The following NOX4 variants were observed in gnomAD, a reference collection of about 807,000 sequenced individuals.
NOX4 encodes the protein kidney oxidase-1.
In NOX4, 69 loss-of-function variants were observed where a neutral mutation model predicts 87.6. The ratio of observed to expected loss-of-function variants is 0.79; its 90% CI spans 0.65 to 0.96. The LOEUF (loss-of-function observed/expected upper bound fraction) is 0.96. Among genes scored for constraint, NOX4 ranks in the 40% least tolerant of loss-of-function variants. The pLI is 0.00. For synonymous variants in NOX4, 275 were observed against 238.2 expected (o/e 1.15, Z -1.42); for missense variants, 680 against 681.5 (o/e 1.00, Z 0.02).
chr11:89,404,969 AG>A (rs1351912823), intron 8 of NOX4, among the ~76,000 whole-genome samples: 1 of 152,124 alleles, frequency 6.6e-6, no homozygotes, highest in Non-Finnish European at 1.5e-5. Flanking sequence ...GTCAAAGCAT[AG>A]GGTTCAGAAA....
chr11:89,374,116 A>C (rs776418048), intron 11 of NOX4, among the ~76,000 whole-genome samples: 1 of 152,164 alleles, frequency 6.6e-6, no homozygotes, highest in Non-Finnish European at 1.5e-5. Context: ...CAGGTAGTCA[A>C]AATGAAAGAA....
intron 2 of NOX4, among the ~76,000 whole-genome samples, chr11:89,455,744 A>ATATATATATATG (rs1163284365): frequency 8.2e-5 from 12 of 146,896 alleles, no homozygotes; most frequent in African/African-American, 3.1e-4. Flanking sequence ...ATATATATAT[A>ATATATATATATG]TGAAACAAAA....
At chr11:89,336,347 C>G (rs1478254177) in intron 16 of NOX4, among the ~76,000 whole-genome samples, 1 of 151,834 alleles carries the variant, frequency 6.6e-6, no homozygotes, top group Non-Finnish European at 1.5e-5. Flanking sequence ...TCTAATTGGT[C>G]AATCTCAAAA....
At chr11:89,351,890 A>T (rs750392375) in intron 13 of NOX4, among the ~76,000 whole-genome samples, 1 of 152,234 alleles carries the variant, frequency 6.6e-6, no homozygotes, top group Admixed American at 6.5e-5. Flanking sequence ...GATAAAGAAA[A>T]TACTGCATAT....
intron 11 of NOX4, among the ~76,000 whole-genome samples, chr11:89,397,433 A>T (rs575478268): frequency 2.3e-4 from 35 of 152,106 alleles, no homozygotes; most frequent in African/African-American, 8.2e-4. Flanking sequence ...GCAAACGAAT[A>T]CAAAAGCTAG....
chr11:89,573,258 C>T, the NOX4 span, among the ~76,000 whole-genome samples: 1 of 152,162 alleles, frequency 6.6e-6, no homozygotes, highest in African/African-American at 2.4e-5. Context: ...ATGCTTTTGG[C>T]TGGGCATGGT....
chr11:89,533,689 A>C, the NOX4 span: 2 of 152,244 alleles, frequency 1.3e-5, no homozygotes, highest in Admixed American at 1.3e-4. Flanking sequence ...TTAGATCCCA[A>C]GAACTAGAGC....
At chr11:89,389,485 C>T (rs1310063762) in intron 11 of NOX4, among the ~76,000 whole-genome samples, 7 of 152,048 alleles carry the variant, frequency 4.6e-5, no homozygotes. Context: ...TTCTAACTGG[C>T]ACAGTATATG....
Position 89,383,403 on chromosome 11 carries a change from C to T in NOX4, c.1075-9911G>A, listed in dbSNP as rs560938485. Among the ~76,000 whole-genome samples the T allele has an allele frequency of 2.6e-5, 4 of 152,302 alleles. No homozygotes were observed. The South Asian group carries it at 8.3e-4, about 32-fold the overall frequency. ...CTCCCAGAGCCCCTGGAACTCTGGCCCAAGGCCCTCTGACTGACTCCTTCC... is the reference window on the plus strand; with the variant it reads ...CTCCCAGAGCCCCTGGAACTCTGGCTCAAGGCCCTCTGACTGACTCCTTCC... On this transcript the variant is annotated intron_variant, in intron 11 of 17. Transcript: ENST00000263317.
At chr11:89,544,769 A>C in the NOX4 span, among the ~76,000 whole-genome samples, 1 of 151,912 alleles carries the variant, frequency 6.6e-6, no homozygotes, top group African/African-American at 2.4e-5. Context: ...ATACAGCAAA[A>C]AAAATTTACA....
chr11:89,388,070 T>A (rs1041680138), intron 11 of NOX4, among the ~76,000 whole-genome samples: 5 of 152,240 alleles, frequency 3.3e-5, no homozygotes, highest in African/African-American at 9.6e-5. Flanking sequence ...TAAATAAATT[T>A]GTAGTTTGGA....
the NOX4 span, among the ~76,000 whole-genome samples, chr11:89,517,152 C>CATAACTGTATT: frequency 6.6e-6 from 1 of 151,980 alleles, no homozygotes; most frequent in South Asian, 2.1e-4. Context: ...TTATTCAAGT[C>CATAACTGTATT]ATAACTGTAT....
chr11:89,457,136 A>G (rs535285324), intron 2 of NOX4, among the ~76,000 whole-genome samples: 56 of 152,162 alleles, frequency 3.7e-4, no homozygotes, highest in Admixed American at 1.4e-3. Flanking sequence ...TGCAGCCTTG[A>G]CCCACTACAG....
At chr11:89,383,102 C>T (rs569895474) in intron 11 of NOX4, among the ~76,000 whole-genome samples, 11 of 152,274 alleles carry the variant, frequency 7.2e-5, no homozygotes, top group African/African-American at 2.2e-4. Flanking sequence ...TAATCAACCT[C>T]GCCTTCAAGA....
At chr11:89,438,823 TAATATC>T (rs1944274548) in intron 6 of NOX4, among the ~76,000 whole-genome samples, 1 of 47,784 alleles carries the variant, frequency 2.1e-5, no homozygotes, top group African/African-American at 1.9e-4. Flanking sequence ...ATATATTATA[TAATATC>T]TTATATATTA....
At chr11:89,506,524 G>A in the NOX4 span, among the ~76,000 whole-genome samples, 1 of 151,576 alleles carries the variant, frequency 6.6e-6, no homozygotes, top group Non-Finnish European at 1.5e-5. Context: ...CCTTGAATTA[G>A]TCAAAAAATT....
At chr11:89,371,058 T>C (rs1939404080) in intron 12 of NOX4, among the ~76,000 whole-genome samples, 1 of 152,066 alleles carries the variant, frequency 6.6e-6, no homozygotes, top group Admixed American at 6.6e-5. Context: ...TTCCTATACC[T>C]ACTGCTCTTA....
At chr11:89,392,582 A>T (rs1161659158) in intron 11 of NOX4, among the ~76,000 whole-genome samples, 1 of 152,170 alleles carries the variant, frequency 6.6e-6, no homozygotes, top group Non-Finnish European at 1.5e-5. Flanking sequence ...TATGACAAAA[A>T]TATCAAGTAC....
chr11:89,490,841 A>T, intron 1 of NOX4: 1 of 699,544 alleles, frequency 1.4e-6, no homozygotes, highest in East Asian at 2.7e-5. Flanking sequence ...GAAATTAATG[A>T]CATCACCATA....
Sources: allele counts gnomAD v4.1 joint callset (sites outside exome capture counted in the v4.1 genomes callset), GRCh38; gene constraint gnomAD v4.1.1; transcripts MANE v1.5; gene names NCBI Gene and HGNC (gene_info 2026-07-23, HGNC 2026-07-21).